RASSF4: variants seen among roughly 807,000 people sequenced by gnomAD.
RASSF4 encodes the protein Ras association domain family member 4, also known as ras association domain-containing protein 4.
RASSF4 carries 38 observed loss-of-function variants against 41.1 expected under a neutral mutation model. The observed-to-expected ratio is 0.92, with a 90% CI of 0.71 to 1.21. The LOEUF (loss-of-function observed/expected upper bound fraction) is 1.21, where lower values mean the gene tolerates loss of function less well. Ranked by LOEUF, RASSF4 falls within the 50% of genes most tolerant of loss-of-function variation. The pLI is 0.00. For missense variants in RASSF4, 414 were observed against 419.4 expected, an observed-to-expected ratio of 0.99 and a Z score of 0.11; for synonymous variants, 179 against 163.4, an observed-to-expected ratio of 1.10 and a Z score of -0.73.
intron 1 of RASSF4, among the ~76,000 whole-genome samples, chr10:44,961,896 T>A (rs1373918898): frequency 6.6e-6 from 1 of 152,230 alleles, no homozygotes; most frequent in African/African-American, 2.4e-5. Flanking sequence ...AAATAAGAAG[T>A]GGCTGCACTT....
Position 44,990,936 on chromosome 10 carries a change from C to A in RASSF4, c.686-12C>A. 1.9e-6 allele frequency: 3 copies of A among 1,608,690 alleles called. No homozygotes were observed. Among genetic ancestry groups the A allele is most frequent in the Non-Finnish European group, 2.6e-6 (3 of 1,175,786 alleles). Reference sequence around the variant, plus strand: ...ATCTCCCGTGATTTTTGTAAACCACCTTCTTTTTCAGAGCGGACAAAATTA... The same window carrying A: ...ATCTCCCGTGATTTTTGTAAACCACATTCTTTTTCAGAGCGGACAAAATTA... On this transcript the variant is annotated splice_polypyrimidine_tract_variant and intron_variant, in intron 8 of 10. Coordinates refer to ENST00000340258, the MANE Select transcript of RASSF4 (RefSeq NM_032023.4).
intron 4 of RASSF4, chr10:44,983,820 C>T (rs1841812109): frequency 8.3e-6 from 7 of 838,590 alleles, no homozygotes; most frequent in Admixed American, 5.9e-5. Flanking sequence ...GCTCACTCTC[C>T]GTCCAGCAGA....
At chr10:44,983,781 A>G in intron 4 of RASSF4, 2 of 588,502 alleles carry the variant, frequency 3.4e-6, no homozygotes, top group Non-Finnish European at 5.9e-6. Context: ...GATGCAGCCC[A>G]GCACAAGCCC....
intron 6 of RASSF4, among the ~76,000 whole-genome samples, chr10:44,988,805 G>A (rs906886413): frequency 5.3e-5 from 8 of 152,180 alleles, no homozygotes; most frequent in Admixed American, 1.3e-4. Flanking sequence ...TGCAGACTAC[G>A]GATTAGAGGG....
intron 3 of RASSF4, among the ~76,000 whole-genome samples, chr10:44,979,862 T>TGGGCTG (rs1164647835): frequency 4.0e-5 from 6 of 151,846 alleles, no homozygotes; most frequent in Non-Finnish European, 7.4e-5. Flanking sequence ...CTGCTGGGAC[T>TGGGCTG]GGGCTGGGGC....
intron 4 of RASSF4, 78 bp downstream of exon 4, chr10:44,982,741 AG>A: frequency 2.0e-6 from 3 of 1,484,770 alleles, no homozygotes; most frequent in South Asian, 1.2e-5. Context: ...TCAGGGTGGG[AG>A]CCCTGTTCCC....
intron 1 of RASSF4, among the ~76,000 whole-genome samples, chr10:44,967,408 C>G (rs1023785171): frequency 2.6e-5 from 4 of 152,204 alleles, no homozygotes; most frequent in Non-Finnish European, 4.4e-5. Flanking sequence ...CACGGGCATT[C>G]CAGGGACAGT....
At chr10:44,977,286 A>G in intron 3 of RASSF4, 1 of 1,423,726 alleles carries the variant, frequency 7.0e-7, no homozygotes, top group Non-Finnish European at 9.5e-7. Context: ...TCTGCAGAAA[A>G]GCATTTCCCT....
chr10:44,989,599 G>GACAGGGC, intron 7 of RASSF4, 71 bp from the exon 8 acceptor site: 1 of 1,417,672 alleles, frequency 7.1e-7, no homozygotes, highest in Non-Finnish European at 1.0e-6. Context: ...TGTAGTTACT[G>GACAGGGC]TCAGGGGACC....
intron 3 of RASSF4, among the ~76,000 whole-genome samples, chr10:44,975,012 C>CAAGGA (rs1195496112): frequency 5.3e-4 from 81 of 152,202 alleles, no homozygotes; most frequent in African/African-American, 1.9e-3. Context: ...CTTGTGTAAA[C>CAAGGA]CCATGGCTCT....
chr10:44,984,621 A>G (rs1588838531), intron 5 of RASSF4, 192 bp from the exon 6 acceptor site: 1 of 650,366 alleles, frequency 1.5e-6, no homozygotes, highest in Non-Finnish European at 2.7e-6. Flanking sequence ...GACCCAGGTT[A>G]CCCTGTCTGG....
chr10:44,973,264 A>C (rs1841257381), intron 3 of RASSF4, among the ~76,000 whole-genome samples: 2 of 152,042 alleles, frequency 1.3e-5, no homozygotes, highest in Non-Finnish European at 2.9e-5. Flanking sequence ...CCCTGTGCAG[A>C]GTTGGTGGGT....
chr10:44,982,244 GC>G (rs1841738008), intron 3 of RASSF4: 2 of 485,752 alleles, frequency 4.1e-6, no homozygotes, highest in East Asian at 8.4e-5. Flanking sequence ...GTGCCTGCCG[GC>G]CAGCAGCTGG....
chr10:44,978,459 A>G (rs889568157), intron 3 of RASSF4, among the ~76,000 whole-genome samples: 2 of 152,204 alleles, frequency 1.3e-5, no homozygotes, highest in African/African-American at 4.8e-5. Flanking sequence ...AATGCATGAA[A>G]TAACCCCTGA....
chr10:44,989,798 A>T, intron 8 of RASSF4, 77 bp downstream of exon 8: 1 of 1,236,290 alleles, frequency 8.1e-7, no homozygotes, highest in Non-Finnish European at 1.2e-6. Flanking sequence ...CCCACCAACC[A>T]CTGACTGTAC....
rs139006097 is a variant in RASSF4, at chr10:44,980,527, C to T, written c.139-1994C>T. On this transcript the variant is annotated intron_variant, in intron 3 of 10. Transcript: ENST00000340258. ...CTGGCCTGAGTCATGGAGAGCCAGC[C>T]TGTCCCCAGTACAGCCAAGCCCCCG... Among the ~76,000 whole-genome samples, 732 of 152,282 alleles carry T rather than the reference C, an allele frequency of 4.8e-3. 9 individuals are homozygous for T. Among genetic ancestry groups the T allele is most frequent in the African/African-American group, 0.017 (694 of 41,546 alleles).
chr10:44,970,094 G>T, intron 1 of RASSF4, 71 bp from the exon 2 acceptor site: 1 of 862,952 alleles, frequency 1.2e-6, no homozygotes, highest in South Asian at 1.5e-5. Flanking sequence ...CCAGGGCTGC[G>T]GGTGTTGGGT....
At chr10:44,963,513 G>A (rs1461282230) in intron 1 of RASSF4, among the ~76,000 whole-genome samples, 1 of 152,202 alleles carries the variant, frequency 6.6e-6, no homozygotes, top group Non-Finnish European at 1.5e-5. Flanking sequence ...CAATTCGAAT[G>A]TGGTAGCCAC....
In RASSF4 at chr10:44,982,518, C is replaced by A; in HGVS notation, c.139-3C>A. The A allele has an allele frequency of 6.2e-7, 1 of 1,610,626 alleles. No homozygotes were observed. Among genetic ancestry groups the A allele is most frequent in the Non-Finnish European group, 8.5e-7 (1 of 1,178,370 alleles). On this transcript the variant is annotated splice_polypyrimidine_tract_variant and splice_region_variant and intron_variant, in intron 3 of 10. Transcript: ENST00000340258. The stretch of plus-strand genomic sequence containing the variant: ...GGAAGGGCTGATGTGTGGACCCCCA[C>A]AGGAAGAAGGGACTCTGATCATCGA...
Sources: allele counts gnomAD v4.1 joint callset (sites outside exome capture counted in the v4.1 genomes callset), GRCh38; gene constraint gnomAD v4.1.1; transcripts MANE v1.5; gene names NCBI Gene and HGNC (gene_info 2026-07-23, HGNC 2026-07-21).